The following DNAH10 variants were observed in gnomAD, a reference collection of about 807,000 sequenced individuals.
DNAH10 encodes the protein dynein axonemal heavy chain 10.
In DNAH10, 348 loss-of-function variants were observed where a neutral mutation model predicts 506.6. The ratio of observed to expected loss-of-function variants is 0.69; its 90% CI spans 0.63 to 0.75. The LOEUF (loss-of-function observed/expected upper bound fraction) is 0.75. Ranked by LOEUF, DNAH10 falls within the 30% of genes least tolerant of loss-of-function variation. DNAH10 has a pLI of 0.00. For synonymous variants in DNAH10, 2,059 were observed against 2,198.6 expected (o/e 0.94, Z 1.78); for missense variants, 5,179 against 5,787.1 (o/e 0.89, Z 3.41).
chr12:123,903,856 G>A lies in DNAH10; in HGVS notation c.9815+743G>A, dbSNP rs78344382. On this transcript the variant is annotated intron_variant, in intron 57 of 78. Coordinates refer to ENST00000673944, the MANE Select transcript of DNAH10 (RefSeq NM_001372106.1). This position sits in a 1 kb window ranked among gnomAD's most constrained non-coding sequence, Gnocchi z 4.6. The stretch of plus-strand genomic sequence containing the variant: ...CCTGGCCCCGCACAGACCCCTCGGC[G>A]TGGGAGCCTCAGCTCTCTCCTTCCC... Among the ~76,000 whole-genome samples the A allele has an allele frequency of 0.21, 31,804 of 152,022 alleles. 3,361 individuals carry two copies. Among genetic ancestry groups the A allele is most frequent in the East Asian group, 0.27 (1,395 of 5,140 alleles).
chr12:123,914,521 C>T lies in DNAH10; in HGVS notation c.10545C>T (p.Ser3515=), dbSNP rs1954377803. ...IPLSQPFRLE[S]LLTDDVEISR... is the part of the protein sequence containing the mutation. ...TGAGCCAGCCTTTCCGGCTGGAAAG[C>T]CTGCTCACGGATGATGTTGAGATCA... The change falls in exon 61 of 79, where the codon AGC becomes AGT. Residue 3515 remains serine (S), a synonymous_variant. Coordinates refer to ENST00000673944, the MANE Select transcript of DNAH10 (RefSeq NM_001372106.1). 1 of 1,613,460 alleles carries T rather than the reference C, an allele frequency of 6.2e-7. No individual in the cohort carries two copies. The highest frequency in any genetic ancestry group is 8.5e-7 in the Non-Finnish European group (1 of 1,179,816).
chr12:123,861,088 C>T lies in DNAH10; in HGVS notation c.6826C>T (p.Pro2276Ser). 6.2e-7 allele frequency: 1 copy of T among 1,613,876 alleles called. No homozygotes were observed. The highest frequency in any genetic ancestry group is 8.5e-7 in the Non-Finnish European group (1 of 1,179,888). The change falls in exon 39 of 79, where the codon CCA (proline) becomes TCA (serine). Residue 2276 changes from proline to serine, a missense_variant. Pro to Ser is a moderately conservative substitution (Grantham distance 74). This residue lies in a region of DNAH10 where 4,844 missense variants were observed against 5,430.5 expected (regional missense o/e 0.89). Coordinates refer to ENST00000673944, the MANE Select transcript of DNAH10 (RefSeq NM_001372106.1). ...SVIELYGILDPTTRDWTDGVL... is the reference protein window; with the variant it reads ...SVIELYGILDSTTRDWTDGVL... Reference sequence around the variant, plus strand: ...CATAGAACTCTACGGCATCCTGGACCCAACCACCCGAGACTGGACAGATGG... The same window carrying T: ...CATAGAACTCTACGGCATCCTGGACTCAACCACCCGAGACTGGACAGATGG...
At chr12:123,880,654 C>CT (rs35412520) in intron 50 of DNAH10, among the ~76,000 whole-genome samples, 60,476 of 147,260 alleles carry the variant, frequency 0.41, 12,362 homozygotes, top group South Asian at 0.45. Context: ...TTTAAATTCT[C>CT]TTTTTTTTTT....
intron 51 of DNAH10, among the ~76,000 whole-genome samples, chr12:123,886,860 G>A (rs980050549): frequency 2.0e-5 from 3 of 152,176 alleles, no homozygotes; most frequent in African/African-American, 7.2e-5. Context: ...CCCTGTGTGC[G>A]TCTTCCCACA....
chr12:123,883,962 C>T lies in DNAH10; in HGVS notation c.8823+2149C>T, dbSNP rs372757767. ...CTACCTCAGAACCTTTTGATAAGTC[C>T]ACCTTTAGAGAAGACACTTCTTGCA... On this transcript the variant is annotated intron_variant, in intron 51 of 78. Transcript: ENST00000673944. Among the ~76,000 whole-genome samples, 53 of 152,200 alleles carry T rather than the reference C, an allele frequency of 3.5e-4. No homozygotes were observed. In the South Asian group the frequency reaches 3.7e-3, roughly 11 times the overall value.
intron 28 of DNAH10, 136 bp from the exon 29 acceptor site, chr12:123,838,320 C>T (rs191395018): frequency 1.1e-4 from 75 of 673,916 alleles, no homozygotes; most frequent in African/African-American, 1.1e-3. Flanking sequence ...CCCCTGAAAG[C>T]CAATGGCACT....
In DNAH10 at chr12:123,903,955, G is replaced by C. The variant is rs928712315; in HGVS notation, c.9815+842G>C. Among the ~76,000 whole-genome samples, 1 of 152,194 alleles carries C rather than the reference G, an allele frequency of 6.6e-6. No homozygotes were observed. Among genetic ancestry groups the C allele is most frequent in the African/African-American group, 2.4e-5 (1 of 41,446 alleles). The stretch of plus-strand genomic sequence containing the variant: ...CTCGCAGCCGAGAGGCTCCGTTCCT[G>C]GGTCAGTAATGGGCTTCCATTCTGG... On this transcript the variant is annotated intron_variant, in intron 57 of 78. Transcript: ENST00000673944. The surrounding 1 kb of genome is among the most constrained non-coding windows in gnomAD (Gnocchi z 4.6).
At chr12:123,843,653 C>T (rs1290785931) in intron 30 of DNAH10, among the ~76,000 whole-genome samples, 1 of 152,188 alleles carries the variant, frequency 6.6e-6, no homozygotes, top group Non-Finnish European at 1.5e-5. Flanking sequence ...TCTCGGCTTA[C>T]TACAACCTCC....
rs1954503221 is a variant in DNAH10 at position 123,916,868 on chromosome 12, T to C, written c.11002+132T>C. On this transcript the variant is annotated intron_variant, in intron 63 of 78. Transcript: ENST00000673944. This position sits in a 1 kb window ranked among gnomAD's most constrained non-coding sequence, Gnocchi z 4.6. ...CATTCTCTCATAGGCACATCTGGAC[T>C]AGTCAGCTCTTACCAATTAGGTACC... The C allele has an allele frequency of 8.7e-7, 1 of 1,148,856 alleles. No individual in the cohort carries two copies. The highest frequency in any genetic ancestry group is 1.2e-6 in the Non-Finnish European group (1 of 837,054). 71.2% of individuals were successfully genotyped at this position (1,148,856 alleles called of 1,614,324 possible).
At chr12:123,840,638 T>C (rs1950741554) in intron 29 of DNAH10, among the ~76,000 whole-genome samples, 1 of 152,196 alleles carries the variant, frequency 6.6e-6, no homozygotes, top group Admixed American at 6.5e-5. Flanking sequence ...ATACTTCATT[T>C]ACTGTTCGCC....
At chr12:123,819,274 A>G (rs1239227171) in intron 23 of DNAH10, 24 bp downstream of exon 23, 7 of 1,574,290 alleles carry the variant, frequency 4.4e-6, no homozygotes, top group Non-Finnish European at 5.2e-6. Flanking sequence ...TGTTGGTCTT[A>G]CTGAGCGATC....
At chr12:123,865,884 G>A in intron 40 of DNAH10, 67 bp from the exon 41 acceptor site, 2 of 1,434,352 alleles carry the variant, frequency 1.4e-6, no homozygotes, top group Non-Finnish European at 1.8e-6. Context: ...CATAAGAGAA[G>A]GTCCTTAAAC....
intron 48 of DNAH10, 76 bp from the exon 49 acceptor site, chr12:123,879,187 GT>G: frequency 7.9e-7 from 1 of 1,264,024 alleles, no homozygotes; most frequent in East Asian, 2.5e-5. Context: ...GTGTCTGTCT[GT>G]CTGAATGTCA....
intron 50 of DNAH10, among the ~76,000 whole-genome samples, chr12:123,881,280 G>T (rs1176890596): frequency 6.6e-6 from 1 of 152,136 alleles, no homozygotes; most frequent in Non-Finnish European, 1.5e-5. Flanking sequence ...GTGTAAAACT[G>T]TTCCTATTTC....
At position 123,929,867 on chromosome 12, in the gene DNAH10, T is replaced by G. The variant is rs892242282; in HGVS notation, c.12612+108T>G. The G allele has an allele frequency of 5.6e-5, 54 of 964,672 alleles. No homozygotes were observed. In the African/African-American group the frequency reaches 8.6e-4, roughly 15 times the overall value. The allele number at this position is 964,672 out of a possible 1,614,324, so 59.8% of individuals were successfully genotyped here. A position where few individuals can be genotyped will look rare whatever the true frequency, so the allele number is the denominator to read the frequency against. On this transcript the variant is annotated intron_variant, in intron 72 of 78. Transcript: ENST00000673944. ...TCAGAACCAGCCTCTTCTGCCCCTG[T>G]GTTCCCCTTGGGTTTCTGTGACAAT...
At chr12:123,800,461 T>C in intron 15 of DNAH10, 73 bp downstream of exon 15, 2 of 1,352,424 alleles carry the variant, frequency 1.5e-6, no homozygotes, top group Non-Finnish European at 2.0e-6. Context: ...TTAAAAATTA[T>C]TGAGGACCCC....
At position 123,914,834 on chromosome 12, in the gene DNAH10, A is replaced by G. The variant is rs367993569; in HGVS notation, c.10575-18A>G. 1.9e-6 allele frequency: 3 copies of G among 1,611,434 alleles called. No homozygotes were observed. The highest frequency in any genetic ancestry group is 2.5e-6 in the Non-Finnish European group (3 of 1,179,018). Reference sequence around the variant, plus strand: ...AATTGGTGAGAAAAATTCATTTCCCAATGGCTGTTTCTTCCAGATGGGGAT... The same window carrying G: ...AATTGGTGAGAAAAATTCATTTCCCGATGGCTGTTTCTTCCAGATGGGGAT... On this transcript the variant is annotated intron_variant, in intron 61 of 78. Coordinates refer to ENST00000673944, the MANE Select transcript of DNAH10 (RefSeq NM_001372106.1).
At position 123,909,874 on chromosome 12, in the gene DNAH10, T is replaced by TG. The variant is rs1953985366; in HGVS notation, c.9997+437dup. On this transcript the variant is annotated intron_variant, in intron 58 of 78. Coordinates refer to ENST00000673944, the MANE Select transcript of DNAH10 (RefSeq NM_001372106.1). This position sits in a 1 kb window ranked among gnomAD's most constrained non-coding sequence, Gnocchi z 5.4. ...TCTGGAGGTCCCTGGGGAGTGGGCA[T>TG]GGGGGTGGGCAGCATCACTGATGGC... 6.6e-6 allele frequency among the ~76,000 whole-genome samples: 1 copy of TG among 152,116 alleles called. No homozygotes were observed. The highest frequency in any genetic ancestry group is 6.5e-5 in the Admixed American group (1 of 15,274).
Position 123,870,493 on chromosome 12 carries a change from A to G in DNAH10, c.7639+8A>G. ...AATTCATCAACATCCTGGGTAAGTCAGAGTCAAATCCTTGTTCCTGGGTTT... is the reference window on the plus strand; with the variant it reads ...AATTCATCAACATCCTGGGTAAGTCGGAGTCAAATCCTTGTTCCTGGGTTT... On this transcript the variant is annotated splice_region_variant and intron_variant, in intron 44 of 78. Coordinates refer to ENST00000673944, the MANE Select transcript of DNAH10 (RefSeq NM_001372106.1). 1 of 1,612,314 alleles carries G rather than the reference A, an allele frequency of 6.2e-7. No homozygotes were observed. Among genetic ancestry groups the G allele is most frequent in the African/African-American group, 1.3e-5 (1 of 74,918 alleles).
Sources: allele counts gnomAD v4.1 joint callset (sites outside exome capture counted in the v4.1 genomes callset), GRCh38; gene constraint gnomAD v4.1.1; regional missense constraint gnomAD v4.1.1; non-coding constraint Gnocchi (gnomAD v3.1); transcripts MANE v1.5; gene names NCBI Gene and HGNC (gene_info 2026-07-23, HGNC 2026-07-21).